RYR1: variants seen among roughly 807,000 people sequenced by gnomAD.
RYR1 encodes ryanodine receptor 1, also known as central core disease of muscle.
RYR1 carries 342 observed loss-of-function variants against 583.5 expected under a neutral mutation model. The ratio of observed to expected loss-of-function variants is 0.59; its 90% CI spans 0.54 to 0.64. The LOEUF (loss-of-function observed/expected upper bound fraction) is 0.64, where lower values mean the gene tolerates loss of function less well. Ranked by LOEUF, RYR1 falls within the 30% of genes least tolerant of loss-of-function variation. The pLI is 0.00. For missense variants in RYR1, 6,032 were observed against 6,917.2 expected, an observed-to-expected ratio of 0.87 and a Z score of 4.54; for synonymous variants, 2,791 against 2,822.5, an observed-to-expected ratio of 0.99 and a Z score of 0.35.
Position 38,459,151 on chromosome 19 carries a change from G to A in RYR1, c.2173G>A (p.Val725Met), listed in dbSNP as rs200698933. The A allele has an allele frequency of 1.2e-5, 19 of 1,613,140 alleles. No homozygotes were observed. Among genetic ancestry groups the A allele is most frequent in the African/African-American group, 5.3e-5 (4 of 75,002 alleles). ...ATCTCTGGTGACTGATGCAGGACAC[G>A]TGGCACGCCCAGTGACTTCCCCAGG... ...FDGLHLWTGH[V>M]ARPVTSPGQH... The change falls in exon 19 of 106, where the codon GTG (valine) becomes ATG (methionine). Residue 725 changes from valine (V) to methionine (M), a missense_variant. By Grantham distance (21) the Val-to-Met change is conservative. Transcript: ENST00000359596.
In RYR1 at chr19:38,459,209, G is replaced by C. The variant is rs775947960; in HGVS notation, c.2231G>C (p.Ser744Thr). The C allele has an allele frequency of 6.2e-7, 1 of 1,614,158 alleles. No homozygotes were observed. Among genetic ancestry groups the C allele is most frequent in the Non-Finnish European group, 8.5e-7 (1 of 1,180,040 alleles). ...QHLLAPEDVI[S>T]CCLDLSVPSI... The stretch of plus-strand genomic sequence containing the variant: ...CTCCTGGCCCCTGAAGACGTGATCA[G>C]CTGCTGCCTGGACCTCAGCGTGCCG... The change falls in exon 19 of 106, where the codon AGC becomes ACC. Residue 744 changes from serine to threonine, a missense_variant. Physicochemically the swap from Ser to Thr is moderately conservative, Grantham distance 58. Transcript: ENST00000359596.
intron 89 of RYR1, among the ~76,000 whole-genome samples, chr19:38,555,372 G>A (rs1479003898): frequency 6.7e-6 from 1 of 150,170 alleles, no homozygotes; most frequent in Non-Finnish European, 1.5e-5. Flanking sequence ...GGACCGAGAA[G>A]TTGAGGTCGC....
chr19:38,443,555 C>T lies in RYR1; in HGVS notation c.271-3C>T, dbSNP rs756262826. Reference sequence around the variant, plus strand: ...TTATTCTGTTCCCTCCCTCCCCCTGCAGTCATCCCAGGGCGGGGGACACAG... The same window carrying T: ...TTATTCTGTTCCCTCCCTCCCCCTGTAGTCATCCCAGGGCGGGGGACACAG... On this transcript the variant is annotated splice_region_variant and splice_polypyrimidine_tract_variant and intron_variant, in intron 3 of 105. Transcript: ENST00000359596. 33 of 1,613,344 alleles carry T rather than the reference C, an allele frequency of 2.0e-5. No homozygotes were observed. In the South Asian group the frequency reaches 3.6e-4, roughly 18 times the overall value.
chr19:38,516,283 A>G, intron 65 of RYR1, 66 bp downstream of exon 65: 1 of 1,518,776 alleles, frequency 6.6e-7, no homozygotes, highest in South Asian at 1.2e-5. Flanking sequence ...CCTTGGGGAG[A>G]CCCTAATTTG....
At chr19:38,492,752 C>A in intron 38 of RYR1, 116 bp downstream of exon 38, 1 of 1,123,498 alleles carries the variant, frequency 8.9e-7, no homozygotes, top group Non-Finnish European at 1.3e-6. Flanking sequence ...GGTAGATAGG[C>A]AGGAGTGAGA....
chr19:38,533,783 C>CAA (rs1307585464), intron 78 of RYR1, among the ~76,000 whole-genome samples: 5 of 76,304 alleles, frequency 6.6e-5, no homozygotes, highest in Admixed American at 1.4e-4. Context: ...GACTCCATCT[C>CAA]AAAAAAAAAA....
At chr19:38,511,907 A>T (rs1423782092) in intron 61 of RYR1, among the ~76,000 whole-genome samples, 165 bp from the exon 62 acceptor site, 6 of 151,468 alleles carry the variant, frequency 4.0e-5, no homozygotes, top group Non-Finnish European at 5.9e-5. Context: ...GGGAGGAGGG[A>T]CATTTGGAGG....
chr19:38,440,639 ACTGT>A (rs1420744702), intron 1 of RYR1, 102 bp from the exon 2 acceptor site: 1 of 1,370,762 alleles, frequency 7.3e-7, no homozygotes, highest in African/African-American at 1.4e-5. Flanking sequence ...CTTGTCAGTC[ACTGT>A]CTTTTTCATA....
rs4802584 is a variant in RYR1, at chr19:38,534,726, C to G, written c.11266C>G (p.Gln3756Glu). 36,841 of 1,613,680 alleles carry G rather than the reference C, an allele frequency of 0.023. 822 individuals carry two copies. The highest frequency in any genetic ancestry group is 0.099 in the Admixed American group (5,951 of 59,916). Residue 3756 changes from glutamine (Q) to glutamate (E), a missense_variant, in exon 79 of 106, where the codon CAG (glutamine) becomes GAG (glutamate). Transcript: ENST00000359596. ...TGTCTGCCTCCCTTCCCAGGAGAAA[C>G]AGATGGAGAAGCAGAGGCTCTTGTA... ...EEVEVSFEEKQMEKQRLLYQQ... is the reference protein window; with the variant it reads ...EEVEVSFEEKEMEKQRLLYQQ...
rs200708363 is a variant in RYR1 at position 38,502,892 on chromosome 19, G to T, written c.7848G>T (p.Pro2616=). The change falls in exon 49 of 106, where the codon CCG becomes CCT. Residue 2616 remains proline (P), a synonymous_variant. Coordinates refer to ENST00000359596, the MANE Select transcript of RYR1 (RefSeq NM_000540.3). ...CATTGTCCCGCAGGTACATCCGCCC[G>T]TCGATGCTGCAGCACCTGTTGCGCC... is the stretch of plus-strand genomic sequence containing the variant. ...CLMSLCRYIR[P]SMLQHLLRRL... 6.2e-7 allele frequency: 1 copy of T among 1,611,328 alleles called. No individual in the cohort carries two copies.
intron 13 of RYR1, among the ~76,000 whole-genome samples, chr19:38,454,794 AAAAAAG>A (rs1038560113): frequency 1.3e-4 from 20 of 151,228 alleles, no homozygotes; most frequent in African/African-American, 4.4e-4. Context: ...AATGTAAAAA[AAAAAAG>A]AAAAGAAAAG....
chr19:38,486,330 C>T, intron 34 of RYR1, 128 bp downstream of exon 34: 4 of 1,146,434 alleles, frequency 3.5e-6, no homozygotes, highest in Non-Finnish European at 5.1e-6. Context: ...TCTATACATC[C>T]ATCCACCTTT....
chr19:38,528,671 G>A lies in RYR1; in HGVS notation c.11010G>A (p.Glu3670=). Residue 3670 remains glutamate, a synonymous_variant, in exon 75 of 106, where the codon GAG becomes GAA. Transcript: ENST00000359596. ...AWILTEDHSF[E]DRMIDDLSKA... is the part of the protein sequence containing the mutation. ...TCCTGACTGAAGACCACAGTTTTGAGGACCGCATGATAGATGACCTTTCAG... is the reference window on the plus strand; with the variant it reads ...TCCTGACTGAAGACCACAGTTTTGAAGACCGCATGATAGATGACCTTTCAG... 1 of 1,614,166 alleles carries A rather than the reference G, an allele frequency of 6.2e-7. No individual in the cohort carries two copies. The highest frequency in any genetic ancestry group is 8.5e-7 in the Non-Finnish European group (1 of 1,180,030).
intron 87 of RYR1, among the ~76,000 whole-genome samples, chr19:38,545,541 G>C (rs1292670543): frequency 6.6e-6 from 1 of 152,116 alleles, no homozygotes; most frequent in Non-Finnish European, 1.5e-5. Flanking sequence ...GATCTGGCAC[G>C]GTGGCTCATA....
chr19:38,537,752 CA>C lies in RYR1; in HGVS notation c.11609-127del, dbSNP rs573455503. 643 of 894,496 alleles carry C rather than the reference CA, an allele frequency of 7.2e-4. 4 individuals carry two copies. Among genetic ancestry groups the C allele is most frequent in the Non-Finnish European group, 1.0e-3 (542 of 534,740 alleles). 55.4% of individuals were successfully genotyped at this position (894,496 alleles called of 1,614,324 possible). A position where few individuals can be genotyped will look rare whatever the true frequency, so the allele number is the denominator to read the frequency against. On this transcript the variant is annotated intron_variant, in intron 83 of 105. Transcript: ENST00000359596. ...GGCCCTCACAGTGTCTTTGGAGTGG[CA>C]GCTGCTCCTCCCAGCACCCCCATGC...
At chr19:38,455,919 C>G (rs1967353120) in intron 16 of RYR1, among the ~76,000 whole-genome samples, 168 bp downstream of exon 16, 1 of 149,546 alleles carries the variant, frequency 6.7e-6, no homozygotes, top group South Asian at 2.1e-4. Flanking sequence ...AACAATGACT[C>G]TTAAGTTGAT....
chr19:38,455,059 A>G (rs1967293131), intron 13 of RYR1, among the ~76,000 whole-genome samples, 176 bp from the exon 14 acceptor site: 2 of 152,178 alleles, frequency 1.3e-5, no homozygotes, highest in Admixed American at 1.3e-4. Flanking sequence ...TGGGGAGCCA[A>G]GGAGGAGAGG....
chr19:38,460,502 C>T lies in RYR1; in HGVS notation c.2488C>T (p.Arg830Trp), dbSNP rs142548565. 147 of 1,614,052 alleles carry T rather than the reference C, an allele frequency of 9.1e-5. No individual in the cohort carries two copies. The highest frequency in any genetic ancestry group is 1.1e-4 in the Non-Finnish European group (135 of 1,180,012). The stretch of plus-strand genomic sequence containing the variant: ...TCTTGAACCCATCAAGGAGTATCGA[C>T]GGGAGGGGCCCCGGGGGCCTCACCT... ...LHLEPIKEYR[R>W]EGPRGPHLVG... The change falls in exon 20 of 106, where the codon CGG (arginine) becomes TGG (tryptophan). Residue 830 changes from arginine (R) to tryptophan (W), a missense_variant. This residue lies in a region of RYR1 where 2,627 missense variants were observed against 2,961.3 expected (regional missense o/e 0.89). Coordinates refer to ENST00000359596, the MANE Select transcript of RYR1 (RefSeq NM_000540.3).
intron 91 of RYR1, 65 bp from the exon 92 acceptor site, chr19:38,566,846 G>C: frequency 3.8e-6 from 6 of 1,558,730 alleles, no homozygotes; most frequent in Non-Finnish European, 5.2e-6. Flanking sequence ...GATGAGAGGA[G>C]CAGGCAGGCA....
Sources: gnomAD v4.1 joint callset for allele counts (sites outside exome capture counted in the v4.1 genomes callset) on GRCh38, gnomAD v4.1.1 for gene constraint, gnomAD v4.1.1 regional missense constraint, MANE v1.5 for transcripts, NCBI Gene and HGNC (gene_info 2026-07-23, HGNC 2026-07-21) for gene names.